LNX2: variants seen among roughly 807,000 people sequenced by gnomAD.
The protein encoded by LNX2 is ligand of Numb protein X 2.
A neutral mutation model predicts 66.2 loss-of-function variants in LNX2; 35 were observed. The ratio of observed to expected loss-of-function variants is 0.53; its 90% CI spans 0.40 to 0.70. The LOEUF is 0.70. Among genes scored for constraint, LNX2 ranks in the 30% least tolerant of loss-of-function variants. LNX2 has a pLI of 0.00. For missense variants in LNX2, 791 were observed against 850.8 expected, an observed-to-expected ratio of 0.93 and a Z score of 0.87; for synonymous variants, 337 against 315.6, an observed-to-expected ratio of 1.07 and a Z score of -0.72.
intron 1 of LNX2, among the ~76,000 whole-genome samples, chr13:27,594,959 CATG>C (rs1377171324): frequency 6.6e-6 from 1 of 152,296 alleles, no homozygotes; most frequent in East Asian, 1.9e-4. Context: ...TCCAAAAAGC[CATG>C]ATACTATTTT....
At chr13:27,608,255 C>T (rs1252971116) in intron 1 of LNX2, among the ~76,000 whole-genome samples, 1 of 152,174 alleles carries the variant, frequency 6.6e-6, no homozygotes, top group Non-Finnish European at 1.5e-5. Flanking sequence ...TTTGCCTTGT[C>T]ACAACTCTAT....
At chr13:27,561,675 C>T (rs1051153358) in intron 5 of LNX2, among the ~76,000 whole-genome samples, 1 of 152,184 alleles carries the variant, frequency 6.6e-6, no homozygotes, top group Admixed American at 6.5e-5. Context: ...ACTTCCTGAT[C>T]CTCAATTACA....
intron 1 of LNX2, among the ~76,000 whole-genome samples, chr13:27,596,424 G>A (rs949343062): frequency 6.6e-6 from 1 of 152,032 alleles, no homozygotes; most frequent in Non-Finnish European, 1.5e-5. Flanking sequence ...TATAAACCGT[G>A]TTTCTAACAA....
chr13:27,563,454 T>C lies in LNX2; in HGVS notation c.856-673A>G, dbSNP rs529581385. Among the ~76,000 whole-genome samples the C allele has an allele frequency of 2.6e-5, 4 of 152,340 alleles. No homozygotes were observed. The South Asian group carries it at 6.2e-4, about 24-fold the overall frequency. On this transcript the variant is annotated intron_variant, in intron 4 of 9. Coordinates refer to ENST00000316334, the MANE Select transcript of LNX2 (RefSeq NM_153371.4). ...TTACCATTAAAAGTAAAATATAATGTATATCTAATGCATTATTCAATACTC... is the reference window on the plus strand; with the variant it reads ...TTACCATTAAAAGTAAAATATAATGCATATCTAATGCATTATTCAATACTC...
chr13:27,556,121 A>G, intron 7 of LNX2, 115 bp downstream of exon 7: 1 of 1,016,800 alleles, frequency 9.8e-7, no homozygotes, highest in Non-Finnish European at 1.4e-6. Context: ...GGGACAGTTT[A>G]AAGAACTTAA....
chr13:27,584,451 G>C (rs527550449), intron 1 of LNX2, among the ~76,000 whole-genome samples: 2 of 151,604 alleles, frequency 1.3e-5, no homozygotes, highest in Non-Finnish European at 2.9e-5. Flanking sequence ...CTACTCAGGA[G>C]GCTGAGGTGG....
At chr13:27,594,312 AATTG>A (rs1419102491) in intron 1 of LNX2, among the ~76,000 whole-genome samples, 2 of 152,022 alleles carry the variant, frequency 1.3e-5, no homozygotes, top group East Asian at 3.9e-4. Context: ...TTTTCTTATC[AATTG>A]ATTTGAACTC....
chr13:27,590,767 G>GT (rs1955538912), intron 1 of LNX2, among the ~76,000 whole-genome samples: 1 of 151,996 alleles, frequency 6.6e-6, no homozygotes, highest in South Asian at 2.1e-4. Context: ...ATGCAATAAG[G>GT]TAAAGGAAAT....
intron 1 of LNX2, among the ~76,000 whole-genome samples, chr13:27,593,028 G>A (rs1453547170): frequency 3.9e-5 from 6 of 152,146 alleles, no homozygotes; most frequent in African/African-American, 1.4e-4. Flanking sequence ...ATGAAAAGGG[G>A]AAATTTGTAT....
At chr13:27,568,256 G>T (rs1352225983) in intron 3 of LNX2, among the ~76,000 whole-genome samples, 3 of 152,224 alleles carry the variant, frequency 2.0e-5, no homozygotes, top group Non-Finnish European at 4.4e-5. Flanking sequence ...AAGCTCGTAA[G>T]AAGAGGTGGG....
chr13:27,588,021 CAAAAAAAAAAAA>C (rs56812051), intron 1 of LNX2, among the ~76,000 whole-genome samples: 47,049 of 93,600 alleles, frequency 0.5, 9,057 homozygotes, highest in African/African-American at 0.6. Context: ...ACTCTTGTCA[CAAAAAAAAAAAA>C]AAAAAAAAAA....
intron 2 of LNX2, among the ~76,000 whole-genome samples, chr13:27,577,356 G>A (rs746270184): frequency 1.3e-5 from 2 of 152,144 alleles, no homozygotes; most frequent in Non-Finnish European, 1.5e-5. Flanking sequence ...TTCCCTCCAA[G>A]TTAAAGTGTG....
At position 27,567,623 on chromosome 13, in the gene LNX2, ATAAT is replaced by A. The variant is rs540079996; in HGVS notation, c.855+13_855+16del. 3.2e-4 allele frequency: 509 copies of A among 1,609,926 alleles called. 2 individuals are homozygous for A. In the African/African-American group the frequency reaches 6.1e-3, roughly 19 times the overall value. On this transcript the variant is annotated intron_variant, in intron 4 of 9. Transcript: ENST00000316334. Reference sequence around the variant, plus strand: ...GAACAAAAAGGCACAAGTTAACAGAATAATTAAAACTGATACCTGAAGAATCTGG... The same window carrying A: ...GAACAAAAAGGCACAAGTTAACAGAATAAAACTGATACCTGAAGAATCTGG...
At chr13:27,550,065 C>A (rs553447584) in intron 9 of LNX2, among the ~76,000 whole-genome samples, 1 of 152,120 alleles carries the variant, frequency 6.6e-6, no homozygotes, top group African/African-American at 2.4e-5. Flanking sequence ...CAGTCTAGAT[C>A]GGGATTGGCA....
chr13:27,568,772 C>G lies in LNX2; in HGVS notation c.655+257G>C, dbSNP rs1388616417. ...GAATGACTAGTGAGTGCACAGACTG[C>G]AACAGAAAAGGGATGGGTTAGGACC... On this transcript the variant is annotated intron_variant, in intron 3 of 9. Coordinates refer to ENST00000316334, the MANE Select transcript of LNX2 (RefSeq NM_153371.4). Among the ~76,000 whole-genome samples, 7 of 151,992 alleles carry G rather than the reference C, an allele frequency of 4.6e-5. No homozygotes were observed. The East Asian group carries it at 1.3e-3, about 29-fold the overall frequency.
chr13:27,578,083 A>T (rs926765346), intron 2 of LNX2, among the ~76,000 whole-genome samples: 1 of 152,244 alleles, frequency 6.6e-6, no homozygotes, highest in South Asian at 2.1e-4. Flanking sequence ...TCTTTCATAA[A>T]TATTTTATCT....
intron 2 of LNX2, among the ~76,000 whole-genome samples, chr13:27,574,670 C>T (rs182851196): frequency 1.3e-5 from 2 of 152,036 alleles, no homozygotes; most frequent in East Asian, 3.9e-4. Context: ...CAAAAATCTT[C>T]CCAAATTTGA....
intron 9 of LNX2, among the ~76,000 whole-genome samples, chr13:27,548,759 T>C (rs187464112): frequency 5.3e-4 from 81 of 152,302 alleles, no homozygotes; most frequent in Non-Finnish European, 8.5e-4. Flanking sequence ...ATATGCTCTC[T>C]CTTTAAAAAA....
chr13:27,578,493 T>A (rs1476969477), intron 2 of LNX2, among the ~76,000 whole-genome samples: 1 of 152,212 alleles, frequency 6.6e-6, no homozygotes, highest in Non-Finnish European at 1.5e-5. Context: ...CAAATTTTTT[T>A]GACTTCCCAT....
Sources: gnomAD v4.1 joint callset for allele counts (sites outside exome capture counted in the v4.1 genomes callset) on GRCh38, gnomAD v4.1.1 for gene constraint, MANE v1.5 for transcripts, NCBI Gene and HGNC (gene_info 2026-07-23, HGNC 2026-07-21) for gene names.